Variants in SUPT3H observed in about 807,000 individuals in gnomAD.
SUPT3H encodes transcription initiation protein SPT3 homolog.
In SUPT3H, 44 loss-of-function variants were observed where a neutral mutation model predicts 44.3. The observed-to-expected ratio is 0.99, with a 90% CI of 0.78 to 1.28. The LOEUF is 1.28. Ranked by LOEUF, SUPT3H falls within the 50% of genes most tolerant of loss-of-function variation. The pLI is 0.00. For synonymous variants in SUPT3H, 124 were observed against 125.6 expected (o/e 0.99, Z 0.09); for missense variants, 380 against 387.1 (o/e 0.98, Z 0.15).
At chr6:45,290,781 T>C (rs771079238) in intron 2 of SUPT3H, among the ~76,000 whole-genome samples, 6 of 152,156 alleles carry the variant, frequency 3.9e-5, no homozygotes, top group Non-Finnish European at 7.3e-5. Flanking sequence ...ACTTACTCTA[T>C]GTACTAAGTA....
At chr6:45,198,112 C>G (rs1816384896) in intron 2 of SUPT3H, among the ~76,000 whole-genome samples, 1 of 151,324 alleles carries the variant, frequency 6.6e-6, no homozygotes, top group Non-Finnish European at 1.5e-5. Flanking sequence ...TTTGAATACC[C>G]ATTTTTACTT....
chr6:44,987,141 A>G (rs1779906505), intron 6 of SUPT3H, among the ~76,000 whole-genome samples: 1 of 152,084 alleles, frequency 6.6e-6, no homozygotes, highest in Non-Finnish European at 1.5e-5. Flanking sequence ...AGAGATCTCT[A>G]GAGGTTCTTC....
chr6:45,063,698 A>G (rs1792649848), intron 3 of SUPT3H, among the ~76,000 whole-genome samples: 1 of 55,432 alleles, frequency 1.8e-5, no homozygotes, highest in African/African-American at 7.6e-5. Context: ...CAACTGGAAG[A>G]AAGGGTATCA....
intron 5 of SUPT3H, among the ~76,000 whole-genome samples, chr6:45,010,818 A>G (rs1177134855): frequency 1.3e-5 from 2 of 152,118 alleles, no homozygotes; most frequent in African/African-American, 4.8e-5. Flanking sequence ...TTCAACATAT[A>G]TATTCAGAGG....
chr6:44,915,304 G>A (rs1767646763), intron 10 of SUPT3H, among the ~76,000 whole-genome samples: 3 of 152,104 alleles, frequency 2.0e-5, no homozygotes, highest in South Asian at 2.1e-4. Context: ...ATAACCTGGC[G>A]ACCAAGATTT....
rs868166208 is a variant in SUPT3H at position 45,075,953 on chromosome 6, G to C, written c.186+29969C>G. On this transcript the variant is annotated intron_variant, in intron 3 of 10. Coordinates refer to ENST00000371459, the MANE Select transcript of SUPT3H (RefSeq NM_003599.4). The stretch of plus-strand genomic sequence containing the variant: ...GGGGGTATTACTAGAATAATTTTCA[G>C]TATCTATATAATTAGTTCATATAAT... 5.3e-5 allele frequency among the ~76,000 whole-genome samples: 8 copies of C among 152,064 alleles called. No homozygotes were observed. In the South Asian group the frequency reaches 1.7e-3, roughly 32 times the overall value.
At chr6:44,812,495 G>C (rs552510364) in intron 11 of SUPT3H, among the ~76,000 whole-genome samples, 65 of 152,214 alleles carry the variant, frequency 4.3e-4, no homozygotes, top group African/African-American at 1.4e-3. Context: ...GGATAATCTA[G>C]GATAACCTCT....
chr6:45,310,057 C>T (rs1393753155), intron 2 of SUPT3H, among the ~76,000 whole-genome samples: 1 of 152,140 alleles, frequency 6.6e-6, no homozygotes, highest in African/African-American at 2.4e-5. Context: ...TCAAGCGTGC[C>T]CTCCACCTGG....
intron 2 of SUPT3H, among the ~76,000 whole-genome samples, chr6:45,175,201 A>G (rs1368128942): frequency 2.0e-5 from 3 of 152,082 alleles, no homozygotes. Flanking sequence ...GTGTGCACAT[A>G]TAATCTTTTA....
At chr6:44,847,077 A>G (rs1044734316) in intron 10 of SUPT3H, among the ~76,000 whole-genome samples, 2 of 152,268 alleles carry the variant, frequency 1.3e-5, no homozygotes, top group African/African-American at 4.8e-5. Context: ...ATTGATATTA[A>G]GGATGAGATT....
chr6:45,369,717 G>C (rs1274265320), intron 1 of SUPT3H, among the ~76,000 whole-genome samples: 1 of 152,182 alleles, frequency 6.6e-6, no homozygotes, highest in Non-Finnish European at 1.5e-5. Context: ...ACCGTTCTAA[G>C]AGGTAGGGAT....
At chr6:45,321,730 TTCTC>T in intron 2 of SUPT3H, 1 of 1,123,604 alleles carries the variant, frequency 8.9e-7, no homozygotes, top group Non-Finnish European at 1.3e-6. Context: ...ATCTAATACA[TTCTC>T]TCTTCTACCC....
chr6:44,882,000 T>C (rs1778308154), intron 10 of SUPT3H, among the ~76,000 whole-genome samples: 1 of 151,884 alleles, frequency 6.6e-6, no homozygotes, highest in Non-Finnish European at 1.5e-5. Flanking sequence ...AGCAAACACA[T>C]TCAAAAGCTA....
intron 10 of SUPT3H, among the ~76,000 whole-genome samples, chr6:44,842,799 C>T (rs1295218260): frequency 6.6e-6 from 1 of 151,846 alleles, no homozygotes; most frequent in African/African-American, 2.4e-5. Flanking sequence ...TATATATCAG[C>T]ACAAGATTAT....
chr6:45,076,975 C>T (rs909648401), intron 3 of SUPT3H, among the ~76,000 whole-genome samples: 3 of 152,072 alleles, frequency 2.0e-5, no homozygotes, highest in African/African-American at 7.2e-5. Flanking sequence ...CCCTTTGTTC[C>T]TTTTCATGCA....
chr6:45,187,970 T>C lies in SUPT3H; in HGVS notation c.102-81964A>G, dbSNP rs114541991. On this transcript the variant is annotated intron_variant, in intron 2 of 10. Coordinates refer to ENST00000371459, the MANE Select transcript of SUPT3H (RefSeq NM_003599.4). ...AAATAAACAATTCATAAGTTTTAAATTGCATACCATTCTGGGTAGCATGAT... is the reference window on the plus strand; with the variant it reads ...AAATAAACAATTCATAAGTTTTAAACTGCATACCATTCTGGGTAGCATGAT... Among the ~76,000 whole-genome samples the C allele has an allele frequency of 6.2e-3, 948 of 152,342 alleles. 13 individuals are homozygous for C. Among genetic ancestry groups the C allele is most frequent in the African/African-American group, 0.022 (901 of 41,584 alleles).
chr6:44,811,796 C>T (rs895491421), intron 11 of SUPT3H, among the ~76,000 whole-genome samples: 2 of 152,142 alleles, frequency 1.3e-5, no homozygotes, highest in Non-Finnish European at 2.9e-5. Context: ...TTCTCATAAG[C>T]CATCACTTTG....
At chr6:45,320,372 T>C (rs1584899070) in intron 2 of SUPT3H, among the ~76,000 whole-genome samples, 2 of 151,912 alleles carry the variant, frequency 1.3e-5, no homozygotes, top group East Asian at 3.9e-4. Flanking sequence ...CAGGTGATCC[T>C]CTCACCTCAG....
chr6:45,072,641 A>G (rs1305414751), intron 3 of SUPT3H, among the ~76,000 whole-genome samples: 2 of 8,686 alleles, frequency 2.3e-4, no homozygotes, highest in African/African-American at 3.3e-3. Context: ...GTTTCACTTC[A>G]GCATAAAAAG....
Sources: allele counts gnomAD v4.1 joint callset (sites outside exome capture counted in the v4.1 genomes callset), GRCh38; gene constraint gnomAD v4.1.1; transcripts MANE v1.5; gene names NCBI Gene and HGNC (gene_info 2026-07-23, HGNC 2026-07-21).